Variants in RNLS observed in about 807,000 individuals in gnomAD.
RNLS encodes the protein renalase.
In RNLS, 39 loss-of-function variants were observed where a neutral mutation model predicts 39.8. The ratio of observed to expected loss-of-function variants is 0.98; its 90% CI spans 0.76 to 1.28. RNLS has a LOEUF of 1.28. Among genes scored for constraint, RNLS ranks in the 50% most tolerant of loss-of-function variants. The pLI is 0.00. For missense variants in RNLS, 410 were observed against 413.3 expected (o/e 0.99, Z 0.07); for synonymous variants, 147 against 150.7 (o/e 0.98, Z 0.18).
chr10:88,552,266 A>G (rs1391483815), intron 4 of RNLS, among the ~76,000 whole-genome samples: 1 of 152,148 alleles, frequency 6.6e-6, no homozygotes, highest in Non-Finnish European at 1.5e-5. Context: ...GGCTGCCCTA[A>G]AGCCAACCTG....
At chr10:88,512,170 T>C (rs964464741) in intron 4 of RNLS, among the ~76,000 whole-genome samples, 3 of 152,148 alleles carry the variant, frequency 2.0e-5, no homozygotes, top group South Asian at 2.1e-4. Flanking sequence ...TTCTGATACA[T>C]AGATATCCCT....
Position 88,511,029 on chromosome 10 carries a change from A to C in RNLS, c.526+61874T>G, listed in dbSNP as rs891406870. ...ATGCCCATTTTACAAATGAAAAAAAAAAAAACCAAAAACCTGAGGTTTTGA... is the reference window on the plus strand; with the variant it reads ...ATGCCCATTTTACAAATGAAAAAAACAAAAACCAAAAACCTGAGGTTTTGA... On this transcript the variant is annotated intron_variant, in intron 4 of 6. Coordinates refer to ENST00000331772, the MANE Select transcript of RNLS (RefSeq NM_001031709.3). Among the ~76,000 whole-genome samples the C allele has an allele frequency of 1.4e-4, 18 of 125,472 alleles. No homozygotes were observed. In the East Asian group the frequency reaches 1.9e-3, roughly 13 times the overall value. The allele number at this position is 125,472 out of a possible 152,430, so 82.3% of individuals were successfully genotyped here.
chr10:88,508,166 C>T (rs186332746), intron 4 of RNLS, among the ~76,000 whole-genome samples: 3 of 152,202 alleles, frequency 2.0e-5, no homozygotes, highest in East Asian at 1.9e-4. Flanking sequence ...TTCTGATTGA[C>T]GAACAGCTTG....
the RNLS span, among the ~76,000 whole-genome samples, chr10:88,234,133 C>A: frequency 6.7e-6 from 1 of 150,338 alleles, no homozygotes; most frequent in Non-Finnish European, 1.5e-5. Context: ...TCTGCAGGAC[C>A]AAGTGACAAT....
intron 6 of RNLS, among the ~76,000 whole-genome samples, chr10:88,294,390 T>C (rs935601854): frequency 3.9e-5 from 6 of 152,154 alleles, no homozygotes; most frequent in Admixed American, 1.3e-4. Context: ...TATTAGCCAC[T>C]GAATAAAGTT....
intron 4 of RNLS, among the ~76,000 whole-genome samples, chr10:88,565,533 T>C (rs957451445): frequency 6.6e-6 from 1 of 152,100 alleles, no homozygotes; most frequent in African/African-American, 2.4e-5. Context: ...CACAAAATGA[T>C]TTCCATGGGG....
intron 4 of RNLS, among the ~76,000 whole-genome samples, chr10:88,489,835 G>A (rs1362910007): frequency 6.6e-6 from 1 of 152,132 alleles, no homozygotes; most frequent in Non-Finnish European, 1.5e-5. Flanking sequence ...AAGGCATTCA[G>A]GCTGTAATTT....
intron 4 of RNLS, among the ~76,000 whole-genome samples, chr10:88,463,494 C>A (rs1003005536): frequency 5.3e-5 from 8 of 151,986 alleles, no homozygotes; most frequent in African/African-American, 1.7e-4. Flanking sequence ...GTTTAAGCCA[C>A]CCAGTCTGTG....
chr10:88,292,772 G>A (rs888530607), intron 6 of RNLS, among the ~76,000 whole-genome samples: 1 of 151,992 alleles, frequency 6.6e-6, no homozygotes, highest in Non-Finnish European at 1.5e-5. Context: ...GGCCAAGCGT[G>A]GTGGCTCACA....
At chr10:88,349,407 T>C (rs532682465) in intron 5 of RNLS, among the ~76,000 whole-genome samples, 3 of 152,268 alleles carry the variant, frequency 2.0e-5, no homozygotes, top group Non-Finnish European at 4.4e-5. Context: ...TTACTTTGTG[T>C]GCAAATGTTC....
intron 4 of RNLS, among the ~76,000 whole-genome samples, chr10:88,405,646 C>T (rs1039656953): frequency 6.6e-6 from 1 of 151,956 alleles, no homozygotes; most frequent in Non-Finnish European, 1.5e-5. Flanking sequence ...AGTTCTTATC[C>T]ATTCTGCAGT....
intron 4 of RNLS, among the ~76,000 whole-genome samples, chr10:88,387,052 C>T (rs1306648750): frequency 1.3e-5 from 2 of 152,172 alleles, no homozygotes; most frequent in Non-Finnish European, 2.9e-5. Context: ...AGCCAAGGGA[C>T]ATTAAGCTGC....
chr10:88,291,002 C>A (rs1843633571), intron 6 of RNLS, among the ~76,000 whole-genome samples: 2 of 152,170 alleles, frequency 1.3e-5, no homozygotes, highest in African/African-American at 4.8e-5. Flanking sequence ...CAAGAAGTTA[C>A]AGCTGCCCAC....
At chr10:88,523,872 G>A (rs894531489) in intron 4 of RNLS, among the ~76,000 whole-genome samples, 5 of 152,110 alleles carry the variant, frequency 3.3e-5, no homozygotes, top group Non-Finnish European at 7.4e-5. Flanking sequence ...AGGAAAATGA[G>A]TGGCAGGTCC....
chr10:88,538,759 C>T (rs1029613397), intron 4 of RNLS, among the ~76,000 whole-genome samples: 3 of 152,006 alleles, frequency 2.0e-5, no homozygotes, highest in African/African-American at 7.2e-5. Flanking sequence ...AGTTTTCCAC[C>T]CTATGAAATT....
chr10:88,451,359 C>T lies in RNLS; in HGVS notation c.527-88634G>A, dbSNP rs1191857064. Reference sequence around the variant, plus strand: ...GGAGAAGACAACGTGGTTTGGCTGCCCCATCCCCTGTGAGAGAAGCCCCCA... The same window carrying T: ...GGAGAAGACAACGTGGTTTGGCTGCTCCATCCCCTGTGAGAGAAGCCCCCA... On this transcript the variant is annotated intron_variant, in intron 4 of 6. Coordinates refer to ENST00000331772, the MANE Select transcript of RNLS (RefSeq NM_001031709.3). Among the ~76,000 whole-genome samples the T allele has an allele frequency of 2.6e-5, 4 of 152,112 alleles. No individual in the cohort carries two copies. In the East Asian group the frequency reaches 7.7e-4, roughly 29 times the overall value.
At chr10:88,196,918 C>T in the RNLS span, among the ~76,000 whole-genome samples, 10 of 152,256 alleles carry the variant, frequency 6.6e-5, no homozygotes, top group Admixed American at 1.3e-4. Context: ...TTTTTCTAGC[C>T]CTTTCCAAAT....
intron 3 of RNLS, among the ~76,000 whole-genome samples, chr10:88,579,703 A>C (rs558914470): frequency 6.6e-6 from 1 of 152,346 alleles, no homozygotes; most frequent in East Asian, 1.9e-4. Context: ...CACTATATGA[A>C]GCTGATAGTA....
chr10:88,193,718 C>G, the RNLS span, among the ~76,000 whole-genome samples: 3 of 152,142 alleles, frequency 2.0e-5, no homozygotes, highest in African/African-American at 7.2e-5. Flanking sequence ...TCTTGCTCCA[C>G]TTTACATTAT....
Sources: gnomAD v4.1 joint callset for allele counts (sites outside exome capture counted in the v4.1 genomes callset) on GRCh38, gnomAD v4.1.1 for gene constraint, MANE v1.5 for transcripts, NCBI Gene and HGNC (gene_info 2026-07-23, HGNC 2026-07-21) for gene names.